Variants in EPHA4 observed in about 807,000 individuals in gnomAD.
EPHA4 encodes the protein ephrin type-A receptor 4.
EPHA4 carries 19 observed loss-of-function variants against 108.3 expected under a neutral mutation model. That is an observed-to-expected ratio of 0.18 (90% confidence interval 0.12 to 0.26). The LOEUF is 0.26. Among genes scored for constraint, EPHA4 ranks in the 10% least tolerant of loss-of-function variants. EPHA4 has a pLI of 1.00. For synonymous variants in EPHA4, 449 were observed against 455.5 expected, an observed-to-expected ratio of 0.99 and a Z score of 0.18; for missense variants, 917 against 1,254.0, an observed-to-expected ratio of 0.73 and a Z score of 4.06.
At chr2:221,540,317 C>T (rs1693796412) in intron 3 of EPHA4, among the ~76,000 whole-genome samples, 2 of 152,184 alleles carry the variant, frequency 1.3e-5, no homozygotes, top group African/African-American at 4.8e-5. Context: ...CAAAACAAAA[C>T]AAATGAACAC....
At chr2:221,438,656 G>A (rs558394999) in intron 11 of EPHA4, among the ~76,000 whole-genome samples, 1 of 152,022 alleles carries the variant, frequency 6.6e-6, no homozygotes, top group Non-Finnish European at 1.5e-5. Context: ...GGTGCAGTAC[G>A]CACTTGCAGT....
At chr2:221,425,106 TGA>T (rs1689860467) in intron 17 of EPHA4, 101 bp downstream of exon 17, 1 of 150,038 alleles carries the variant, frequency 6.7e-6, no homozygotes, top group South Asian at 2.1e-4. Flanking sequence ...CTGAGAGACA[TGA>T]GAGAGTATTT....
rs904777556 is a variant in EPHA4, at chr2:221,442,988, G to A, written c.1915C>T (p.Arg639Cys). ...VGEFGEVCSG[R>C]LKVPGKREIC... is the part of the protein sequence containing the mutation. ...TCTCTCTTGCCAGGCACTTTGAGAC[G>A]CCCACTGCATACCTCACCAAATTCA... Residue 639 changes from arginine to cysteine, a missense_variant, in exon 11 of 18, where the codon CGT becomes TGT. Around this residue, in one of 3 missense-constraint regions of EPHA4, gnomAD observed 758 missense variants for 1,076.7 expected, o/e 0.70. Transcript: ENST00000281821. 8.1e-6 allele frequency: 13 copies of A among 1,614,024 alleles called. No homozygotes were observed. The highest frequency in any genetic ancestry group is 1.7e-4 in the Middle Eastern group (1 of 6,056).
At chr2:221,545,479 AAAAAC>A (rs568048931) in intron 3 of EPHA4, among the ~76,000 whole-genome samples, 1 of 152,138 alleles carries the variant, frequency 6.6e-6, no homozygotes, top group African/African-American at 2.4e-5. Flanking sequence ...AAAAAAAACA[AAAAAC>A]AAAACAAAAC....
At chr2:221,522,279 T>G (rs1444659915) in intron 3 of EPHA4, among the ~76,000 whole-genome samples, 1 of 152,150 alleles carries the variant, frequency 6.6e-6, no homozygotes, top group African/African-American at 2.4e-5. Flanking sequence ...TTTCCAGCCA[T>G]CAGATAGGGT....
At chr2:221,446,874 C>T (rs1010623332) in intron 8 of EPHA4, among the ~76,000 whole-genome samples, 1 of 152,104 alleles carries the variant, frequency 6.6e-6, no homozygotes, top group Admixed American at 6.5e-5. Context: ...TTTGCTTTGC[C>T]TAATTCACTT....
upstream of EPHA4, chr2:221,573,671 A>C (rs1177833492): frequency 6.6e-6 from 1 of 152,122 alleles, no homozygotes; most frequent in Non-Finnish European, 1.5e-5. This position sits in a 1 kb window ranked among gnomAD's most constrained non-coding sequence, Gnocchi z 4.5. Flanking sequence ...CCCCGGCCGC[A>C]GCTCATCGTG....
chr2:221,492,508 T>TC (rs755994725), intron 4 of EPHA4, among the ~76,000 whole-genome samples: 2 of 152,162 alleles, frequency 1.3e-5, no homozygotes, highest in Non-Finnish European at 2.9e-5. Flanking sequence ...TGGTGATCTT[T>TC]CTCCCTTTAT....
At chr2:221,550,657 C>G (rs1463798474) in intron 3 of EPHA4, among the ~76,000 whole-genome samples, 2 of 152,190 alleles carry the variant, frequency 1.3e-5, no homozygotes, top group African/African-American at 4.8e-5. Flanking sequence ...AGTTTACTAA[C>G]TAGCCCATAG....
At chr2:221,433,322 A>G (rs1010226905) in intron 14 of EPHA4, among the ~76,000 whole-genome samples, 2 of 152,198 alleles carry the variant, frequency 1.3e-5, no homozygotes, top group Non-Finnish European at 2.9e-5. Flanking sequence ...AATACCTTGC[A>G]TTTGTAAACA....
rs56796398 is a variant in EPHA4, at chr2:221,447,821, T to TTTTATTTATTTA, written c.1716-1652_1716-1641dup. The stretch of plus-strand genomic sequence containing the variant: ...GCATTTAACTTTTCAAAGGGTCTAT[T>TTTTATTTATTTA]TTTATTTATTTATTTATTTATTTAA... On this transcript the variant is annotated intron_variant, in intron 8 of 17. Transcript: ENST00000281821. Among the ~76,000 whole-genome samples, 564 of 147,662 alleles carry TTTTATTTATTTA rather than the reference T, an allele frequency of 3.8e-3. 2 individuals carry two copies. The highest frequency in any genetic ancestry group is 0.011 in the African/African-American group (448 of 39,932).
intron 8 of EPHA4, among the ~76,000 whole-genome samples, chr2:221,447,423 G>A (rs371923588): frequency 1.3e-5 from 2 of 152,114 alleles, no homozygotes; most frequent in East Asian, 1.9e-4. Context: ...AGATGATTAC[G>A]AAAAAGAGAG....
chr2:221,434,264 C>G lies in EPHA4; in HGVS notation c.2374G>C (p.Ala792Pro), dbSNP rs2106096655. 6.2e-7 allele frequency: 1 copy of G among 1,614,096 alleles called. No individual in the cohort carries two copies. The highest frequency in any genetic ancestry group is 2.2e-5 in the East Asian group (1 of 44,864). The part of the protein sequence containing the change: ...RGGKIPIRWT[A>P]PEAIAYRKFT... ...TTACGATAGGCAATTGCTTCTGGCG[C>G]AGTCCACCGGATAGGAATCTTGCCA... The change falls in exon 14 of 18, where the codon GCG (alanine) becomes CCG (proline). Residue 792 changes from alanine (A) to proline (P), a missense_variant. Coordinates refer to ENST00000281821, the MANE Select transcript of EPHA4 (RefSeq NM_004438.5).
intron 3 of EPHA4, among the ~76,000 whole-genome samples, chr2:221,523,538 C>T (rs137963795): frequency 5.9e-5 from 9 of 152,152 alleles, no homozygotes; most frequent in Admixed American, 2.0e-4. Flanking sequence ...CTGCCCATGT[C>T]GGCCTCCCAA....
chr2:221,541,050 G>A (rs1056003406), intron 3 of EPHA4, among the ~76,000 whole-genome samples: 4 of 150,826 alleles, frequency 2.7e-5, no homozygotes, highest in Admixed American at 1.3e-4. Context: ...GGGTTCAGGT[G>A]AGCCTCCCGC....
At chr2:221,452,573 C>A (rs545571510) in intron 8 of EPHA4, among the ~76,000 whole-genome samples, 7 of 152,326 alleles carry the variant, frequency 4.6e-5, no homozygotes, top group Non-Finnish European at 8.8e-5. Context: ...TGGCTCCGGG[C>A]GGCCTTTCCC....
chr2:221,573,259 G>C (rs982482515), upstream of EPHA4: 36 of 152,210 alleles, frequency 2.4e-4, no homozygotes, highest in African/African-American at 8.4e-4. This position sits in a 1 kb window ranked among gnomAD's most constrained non-coding sequence, Gnocchi z 4.5. Context: ...TGCCCGGAGC[G>C]GCTGCTGCGA....
At chr2:221,516,455 A>G (rs1280980091) in intron 3 of EPHA4, among the ~76,000 whole-genome samples, 1 of 151,348 alleles carries the variant, frequency 6.6e-6, no homozygotes, top group Non-Finnish European at 1.5e-5. Flanking sequence ...CTCAGGTTCA[A>G]GTGATTCTCT....
At chr2:221,561,070 G>A (rs987284469) in intron 3 of EPHA4, among the ~76,000 whole-genome samples, 8 of 152,132 alleles carry the variant, frequency 5.3e-5, no homozygotes, top group South Asian at 2.1e-4. Context: ...GTGAAACCCC[G>A]TCTCTACTAA....
Sources: allele counts gnomAD v4.1 joint callset (sites outside exome capture counted in the v4.1 genomes callset), GRCh38; gene constraint gnomAD v4.1.1; regional missense constraint gnomAD v4.1.1; non-coding constraint Gnocchi (gnomAD v3.1); transcripts MANE v1.5; gene names NCBI Gene and HGNC (gene_info 2026-07-23, HGNC 2026-07-21).